C13orf42: variants seen among roughly 807,000 people sequenced by gnomAD.
C13orf42 encodes uncharacterized protein C13orf42.
chr13:51,139,145 C>T (rs959491134), intron 1 of C13orf42, among the ~76,000 whole-genome samples: 6 of 151,916 alleles, frequency 3.9e-5, no homozygotes, highest in South Asian at 2.1e-4. Context: ...GGTGAAACCC[C>T]GTCTCTACTA....
chr13:51,148,414 A>G (rs1953754759), intron 1 of C13orf42, among the ~76,000 whole-genome samples: 1 of 152,236 alleles, frequency 6.6e-6, no homozygotes, highest in Non-Finnish European at 1.5e-5. Flanking sequence ...ATGGTGTGAT[A>G]GGCATCATGA....
intron 1 of C13orf42, among the ~76,000 whole-genome samples, chr13:51,168,040 C>T (rs1463746794): frequency 2.0e-5 from 3 of 152,208 alleles, no homozygotes; most frequent in Admixed American, 2.0e-4. Flanking sequence ...AGTGGCTATA[C>T]AACACAGCCT....
chr13:51,129,080 A>T (rs1377751152), intron 1 of C13orf42, among the ~76,000 whole-genome samples: 1 of 152,148 alleles, frequency 6.6e-6, no homozygotes, highest in Non-Finnish European at 1.5e-5. Flanking sequence ...TACTCTCTTA[A>T]CCATGTTAAT....
intron 1 of C13orf42, among the ~76,000 whole-genome samples, chr13:51,122,186 C>T (rs890319020): frequency 2.0e-5 from 3 of 151,824 alleles, no homozygotes; most frequent in Non-Finnish European, 4.4e-5. Flanking sequence ...TATATATTTA[C>T]ATATATAAAG....
chr13:51,120,321 T>C lies in C13orf42; in HGVS notation n.137-7099A>G, dbSNP rs559320129. Among the ~76,000 whole-genome samples, 73 of 152,298 alleles carry C rather than the reference T, an allele frequency of 4.8e-4. 1 individual carries two copies. Among genetic ancestry groups the C allele is most frequent in the African/African-American group, 1.7e-3 (70 of 41,558 alleles). On this transcript the variant is annotated intron_variant and non_coding_transcript_variant, in intron 1 of 4. Coordinates refer to the C13orf42 transcript ENST00000433280. ...TTTAAGTGATGTGCCCGGCCTCCTA[T>C]ATCTATTGTGTGATAGAGCCAAGAT...
At chr13:51,135,322 C>G (rs1953649307) in intron 1 of C13orf42, among the ~76,000 whole-genome samples, 1 of 152,188 alleles carries the variant, frequency 6.6e-6, no homozygotes, top group Non-Finnish European at 1.5e-5. Flanking sequence ...TGGGCAGCCA[C>G]AGACCTCCGA....
intron 1 of C13orf42, among the ~76,000 whole-genome samples, chr13:51,117,421 G>A (rs1953500194): frequency 6.6e-6 from 1 of 152,194 alleles, no homozygotes; most frequent in South Asian, 2.1e-4. Flanking sequence ...CAGGGACTGA[G>A]CCTTATCTTT....
chr13:51,123,821 T>C (rs1359350310), intron 1 of C13orf42, among the ~76,000 whole-genome samples: 1 of 152,204 alleles, frequency 6.6e-6, no homozygotes, highest in Non-Finnish European at 1.5e-5. Flanking sequence ...ACTGAGCCCA[T>C]CTTGCTTCTA....
intron 1 of C13orf42, among the ~76,000 whole-genome samples, chr13:51,134,835 A>G (rs938522305): frequency 2.0e-5 from 3 of 152,194 alleles, no homozygotes; most frequent in Admixed American, 2.0e-4. Context: ...ACATCAGGTT[A>G]CAAGTCTGAT....
intron 1 of C13orf42, among the ~76,000 whole-genome samples, chr13:51,171,079 C>T (rs979747887): frequency 3.3e-5 from 5 of 152,068 alleles, no homozygotes; most frequent in East Asian, 1.9e-4. Context: ...ACCCCCCAAC[C>T]CTTCTCCGTG....
chr13:51,119,198 C>T (rs954911085), intron 1 of C13orf42, among the ~76,000 whole-genome samples: 4 of 152,110 alleles, frequency 2.6e-5, no homozygotes, highest in Admixed American at 1.3e-4. Context: ...GTATGGCACG[C>T]CCTGTGGCTG....
chr13:51,142,595 T>TAAAAAAAAAAAAAAA (rs34706510), intron 1 of C13orf42, among the ~76,000 whole-genome samples: 1 of 141,666 alleles, frequency 7.1e-6, no homozygotes, highest in African/African-American at 2.6e-5. Context: ...CATTTCTGCT[T>TAAAAAAAAAAAAAAA]AAAAAAAAAA....
rs1370024319 is a variant in C13orf42, at chr13:51,088,082, G to C, written c.415-7C>G. On this transcript the variant is annotated splice_region_variant and splice_polypyrimidine_tract_variant and intron_variant, in intron 1 of 3. Transcript: ENST00000563710. Reference sequence around the variant, plus strand: ...ATTTCTTTGGGGTTGCTTTCTGCAAGAGGTGAAGGGGAGAAGAGAGAGTTG... The same window carrying C: ...ATTTCTTTGGGGTTGCTTTCTGCAACAGGTGAAGGGGAGAAGAGAGAGTTG... 2.5e-6 allele frequency: 1 copy of C among 398,672 alleles called. No individual in the cohort carries two copies. The highest frequency in any genetic ancestry group is 3.6e-5 in the East Asian group (1 of 28,092). The allele number at this position is 398,672 out of a possible 1,614,324, so 24.7% of individuals were successfully genotyped here. A position where few individuals can be genotyped will look rare whatever the true frequency, so the allele number is the denominator to read the frequency against.
rs142206255 is a variant in C13orf42 at position 51,120,841 on chromosome 13, C to T, written n.137-7619G>A. 8.5e-3 allele frequency among the ~76,000 whole-genome samples: 1,298 copies of T among 152,188 alleles called. 21 individuals carry two copies. Among genetic ancestry groups the T allele is most frequent in the African/African-American group, 0.028 (1,182 of 41,510 alleles). On this transcript the variant is annotated intron_variant and non_coding_transcript_variant, in intron 1 of 4. Transcript: ENST00000433280. ...CCAGCCTGGCCAACATGGTGAAACC[C>T]TGTCTCTACTAAAAATACAAAAATT...
chr13:51,152,321 T>C lies in C13orf42; in HGVS notation n.136+19932A>G, dbSNP rs1451071750. On this transcript the variant is annotated intron_variant and non_coding_transcript_variant, in intron 1 of 4. Transcript: ENST00000433280. ...TTAGCAGGCTTTATTTTATAAACAC[T>C]TGGTTACAAACATCACCCAGTTCTT... Among the ~76,000 whole-genome samples, 5 of 152,336 alleles carry C rather than the reference T, an allele frequency of 3.3e-5. No homozygotes were observed. The South Asian group carries it at 8.3e-4, about 25-fold the overall frequency.
At chr13:51,126,114 C>G (rs1953575341) in intron 1 of C13orf42, among the ~76,000 whole-genome samples, 1 of 152,194 alleles carries the variant, frequency 6.6e-6, no homozygotes, top group Admixed American at 6.5e-5. Context: ...GATGTATATT[C>G]ACATCTTAAA....
upstream of C13orf42, among the ~76,000 whole-genome samples, chr13:51,112,904 C>G (rs1000318932): frequency 1.3e-5 from 2 of 152,082 alleles, no homozygotes; most frequent in African/African-American, 4.8e-5. Context: ...GGGGAAGTCT[C>G]TCTCCAAACC....
At chr13:51,119,427 A>G (rs917708163) in intron 1 of C13orf42, among the ~76,000 whole-genome samples, 9 of 152,150 alleles carry the variant, frequency 5.9e-5, no homozygotes, top group Non-Finnish European at 1.2e-4. Context: ...TAGCAGAGCC[A>G]GAAAAGCATT....
intron 1 of C13orf42, among the ~76,000 whole-genome samples, chr13:51,162,924 C>T (rs9535591): frequency 0.045 from 6,914 of 152,274 alleles, 159 homozygotes; most frequent in East Asian, 0.065. Flanking sequence ...TGCTCCACTG[C>T]AGCTGCTTTG....
Sources: allele counts gnomAD v4.1 joint callset (sites outside exome capture counted in the v4.1 genomes callset), GRCh38; gene constraint gnomAD v4.1.1; transcripts MANE v1.5; gene names NCBI Gene and HGNC (gene_info 2026-07-23, HGNC 2026-07-21).